Variants in CPNE4 observed in about 807,000 individuals in gnomAD.
The protein encoded by CPNE4 is copine 4.
A neutral mutation model predicts 67.9 loss-of-function variants in CPNE4; 25 were observed. The ratio of observed to expected loss-of-function variants is 0.37; its 90% confidence interval spans 0.27 to 0.51. CPNE4 has a LOEUF of 0.51. CPNE4 is among the 20% of genes least tolerant of loss of function. The pLI is 0.93. For synonymous variants in CPNE4, 242 were observed against 244.9 expected, an observed-to-expected ratio of 0.99 and a Z score of 0.11; for missense variants, 464 against 690.8, an observed-to-expected ratio of 0.67 and a Z score of 3.68.
At position 131,992,892 on chromosome 3, in the gene CPNE4, T is replaced by G. The variant is rs1414592756; in HGVS notation, c.-2+41675A>C. On this transcript the variant is annotated intron_variant, in intron 1 of 15. Transcript: ENST00000429747. ...CTTGCTCAACACTTCTGCTACCTGC[T>G]GCTATGTGAAGGACACATTTGCTTC... is the stretch of plus-strand genomic sequence containing the variant. Among the ~76,000 whole-genome samples the G allele has an allele frequency of 4.4e-5, 6 of 136,204 alleles. 3 individuals carry two copies. Among genetic ancestry groups the G allele is most frequent in the Non-Finnish European group, 1.0e-4 (6 of 60,036 alleles). 89.4% of individuals were successfully genotyped at this position (136,204 alleles called of 152,430 possible).
At chr3:131,716,891 T>C (rs1016930341) in intron 3 of CPNE4, among the ~76,000 whole-genome samples, 2 of 152,204 alleles carry the variant, frequency 1.3e-5, no homozygotes, top group Admixed American at 1.3e-4. Context: ...CCCCACACCA[T>C]GTACACGTCA....
At chr3:131,927,265 T>C (rs1438590750) in intron 1 of CPNE4, among the ~76,000 whole-genome samples, 1 of 152,188 alleles carries the variant, frequency 6.6e-6, no homozygotes, top group African/African-American at 2.4e-5. Context: ...ATCAAAGTCT[T>C]GTGTGTTTCC....
At chr3:131,924,808 CAGCTG>C (rs2070849624) in intron 1 of CPNE4, among the ~76,000 whole-genome samples, 1 of 152,118 alleles carries the variant, frequency 6.6e-6, no homozygotes, top group African/African-American at 2.4e-5. Context: ...TGTTATCAAC[CAGCTG>C]ATGGAATGAC....
intron 1 of CPNE4, among the ~76,000 whole-genome samples, chr3:132,011,700 A>G (rs1046184486): frequency 2.0e-5 from 3 of 152,244 alleles, no homozygotes; most frequent in African/African-American, 7.2e-5. Context: ...AACATTTTTC[A>G]CTACTGTAAT....
intron 1 of CPNE4, among the ~76,000 whole-genome samples, chr3:131,964,891 T>C (rs1423138795): frequency 6.6e-6 from 1 of 152,118 alleles, no homozygotes; most frequent in Non-Finnish European, 1.5e-5. Context: ...AAGATACTCC[T>C]TGAGAAGAGC....
chr3:131,650,026 T>G (rs2079768644), intron 7 of CPNE4, among the ~76,000 whole-genome samples: 3 of 152,182 alleles, frequency 2.0e-5, no homozygotes, highest in African/African-American at 7.2e-5. Context: ...GGCTGTACTA[T>G]TCACGGTGGC....
intron 3 of CPNE4, among the ~76,000 whole-genome samples, chr3:131,702,756 T>G (rs575075118): frequency 6.6e-6 from 1 of 152,200 alleles, no homozygotes; most frequent in Non-Finnish European, 1.5e-5. Flanking sequence ...TGGATGGCCA[T>G]AGTTCTCTCT....
chr3:131,818,133 T>A (rs549781490), intron 2 of CPNE4, among the ~76,000 whole-genome samples: 19 of 152,368 alleles, frequency 1.2e-4, no homozygotes, highest in African/African-American at 4.3e-4. Context: ...AATGCCTTAC[T>A]GTCAGTGTCA....
At chr3:131,865,287 G>C (rs2086890300) in intron 2 of CPNE4, among the ~76,000 whole-genome samples, 1 of 152,144 alleles carries the variant, frequency 6.6e-6, no homozygotes, top group African/African-American at 2.4e-5. Flanking sequence ...AATGGTACCA[G>C]CTCCTCCTTG....
rs559712630 is a variant in CPNE4 at position 131,781,249 on chromosome 3, A to G, written c.181-57624T>C. Among the ~76,000 whole-genome samples, 5 of 152,206 alleles carry G rather than the reference A, an allele frequency of 3.3e-5. No homozygotes were observed. In the South Asian group the frequency reaches 8.3e-4, roughly 25 times the overall value. On this transcript the variant is annotated intron_variant, in intron 2 of 15. Transcript: ENST00000429747. ...GACATTTCCCCTGGTATTTTACACT[A>G]ACGGTCTAGCTATGGCTGGAACCAG...
At chr3:131,614,892 C>G (rs1467611847) in intron 7 of CPNE4, among the ~76,000 whole-genome samples, 1 of 152,144 alleles carries the variant, frequency 6.6e-6, no homozygotes, top group Admixed American at 6.6e-5. Context: ...TTTTAATACT[C>G]TTGTTCTTAG....
intron 6 of CPNE4, among the ~76,000 whole-genome samples, chr3:131,678,700 G>A (rs993272540): frequency 2.0e-5 from 3 of 152,104 alleles, no homozygotes; most frequent in Admixed American, 2.0e-4. Flanking sequence ...TAATCTTGTG[G>A]TTTTTGTCTT....
intron 1 of CPNE4, among the ~76,000 whole-genome samples, chr3:131,957,232 A>G (rs1371143441): frequency 6.6e-6 from 1 of 152,248 alleles, no homozygotes; most frequent in East Asian, 1.9e-4. Flanking sequence ...TGCAAAAATA[A>G]CAGTCCTTAC....
intron 2 of CPNE4, among the ~76,000 whole-genome samples, chr3:131,768,739 T>G (rs2083088289): frequency 6.6e-6 from 1 of 152,024 alleles, no homozygotes; most frequent in Non-Finnish European, 1.5e-5. Flanking sequence ...CACCACAAAC[T>G]CAATGCCACA....
chr3:131,861,170 T>C (rs1389444771), intron 2 of CPNE4, among the ~76,000 whole-genome samples: 1 of 152,180 alleles, frequency 6.6e-6, no homozygotes, highest in Non-Finnish European at 1.5e-5. Context: ...TTGAAGACAT[T>C]GTTATAGGCT....
intron 1 of CPNE4, among the ~76,000 whole-genome samples, chr3:132,011,105 A>G (rs1391093313): frequency 1.3e-5 from 2 of 152,216 alleles, no homozygotes; most frequent in Admixed American, 1.3e-4. Context: ...CTGCTAGCCC[A>G]TAGGGCGACT....
chr3:131,912,917 A>G (rs1247682049), intron 1 of CPNE4, among the ~76,000 whole-genome samples: 1 of 152,148 alleles, frequency 6.6e-6, no homozygotes, highest in Non-Finnish European at 1.5e-5. Flanking sequence ...CTTGAGTAAC[A>G]AGGTTGCTGA....
At chr3:131,887,674 G>T (rs566761746) in intron 2 of CPNE4, among the ~76,000 whole-genome samples, 5 of 152,226 alleles carry the variant, frequency 3.3e-5, no homozygotes, top group African/African-American at 1.2e-4. Flanking sequence ...AATGTTCAGG[G>T]TAGAAAGTCC....
intron 9 of CPNE4, among the ~76,000 whole-genome samples, chr3:131,577,111 G>A (rs1937569416): frequency 6.6e-6 from 1 of 151,948 alleles, no homozygotes; most frequent in African/African-American, 2.4e-5. Context: ...CCAGTCATAA[G>A]ACATTATCCC....
Sources: allele counts gnomAD v4.1 joint callset (sites outside exome capture counted in the v4.1 genomes callset), GRCh38; gene constraint gnomAD v4.1.1; transcripts MANE v1.5; gene names NCBI Gene and HGNC (gene_info 2026-07-23, HGNC 2026-07-21).